The following PDE4D variants were observed in gnomAD, a reference collection of about 807,000 sequenced individuals.
PDE4D encodes phosphodiesterase 4D.
In PDE4D, 24 loss-of-function variants were observed where a neutral mutation model predicts 87.4. The observed-to-expected ratio is 0.27, with a 90% CI of 0.20 to 0.39. The LOEUF (loss-of-function observed/expected upper bound fraction) is 0.39. Among genes scored for constraint, PDE4D ranks in the 10% least tolerant of loss-of-function variants. The pLI is 1.00. For synonymous variants in PDE4D, 384 were observed against 383.2 expected, an observed-to-expected ratio of 1.00 and a Z score of -0.02; for missense variants, 714 against 1,041.0, an observed-to-expected ratio of 0.69 and a Z score of 4.32.
intron 1 of PDE4D, among the ~76,000 whole-genome samples, chr5:59,808,678 C>A (rs554210478): frequency 1.6e-4 from 24 of 152,228 alleles, no homozygotes; most frequent in African/African-American, 5.8e-4. Flanking sequence ...TCAAAGAACC[C>A]TTTTCCCCAG....
intron 1 of PDE4D, among the ~76,000 whole-genome samples, chr5:59,585,142 A>T (rs1824895029): frequency 6.6e-6 from 1 of 152,120 alleles, no homozygotes; most frequent in Non-Finnish European, 1.5e-5. Flanking sequence ...TCAGCAAAAA[A>T]GGTAGATACG....
At chr5:60,243,598 A>C (rs1370166855) in intron 1 of PDE4D, among the ~76,000 whole-genome samples, 1 of 152,066 alleles carries the variant, frequency 6.6e-6, no homozygotes, top group Non-Finnish European at 1.5e-5. Flanking sequence ...ACAACACATT[A>C]AAAATATAAT....
At chr5:60,228,800 A>G (rs1245015554) in intron 1 of PDE4D, among the ~76,000 whole-genome samples, 1 of 152,120 alleles carries the variant, frequency 6.6e-6, no homozygotes, top group Non-Finnish European at 1.5e-5. Flanking sequence ...AACTATACAG[A>G]GAGCGAGAAG....
At chr5:60,171,906 C>T (rs1014565304) in intron 2 of PDE4D, among the ~76,000 whole-genome samples, 1 of 151,656 alleles carries the variant, frequency 6.6e-6, no homozygotes, top group African/African-American at 2.4e-5. Context: ...ATTATTAAAA[C>T]CTACATAAAA....
At chr5:59,274,350 G>A (rs1051631913) in intron 1 of PDE4D, among the ~76,000 whole-genome samples, 5 of 152,104 alleles carry the variant, frequency 3.3e-5, no homozygotes, top group Non-Finnish European at 5.9e-5. Context: ...TAACAGCAAA[G>A]GCTAACCTAT....
intron 2 of PDE4D, among the ~76,000 whole-genome samples, chr5:59,989,102 A>G (rs1423140950): frequency 1.1e-5 from 1 of 94,904 alleles, no homozygotes; most frequent in African/African-American, 3.2e-5. Context: ...ATATATATAT[A>G]TATATATATA....
chr5:60,070,473 T>C (rs1315944634), intron 2 of PDE4D, among the ~76,000 whole-genome samples: 2 of 152,096 alleles, frequency 1.3e-5, no homozygotes, highest in African/African-American at 4.8e-5. Context: ...TTTTATGCTT[T>C]ATTTTGTTAA....
chr5:59,478,989 CCT>C (rs548931366), intron 1 of PDE4D, among the ~76,000 whole-genome samples: 127 of 152,136 alleles, frequency 8.3e-4, no homozygotes, highest in African/African-American at 2.9e-3. Flanking sequence ...CTCATAGTAA[CCT>C]CTGTTATTCA....
intron 6 of PDE4D, among the ~76,000 whole-genome samples, chr5:59,009,696 ATGG>A (rs1237692658): frequency 1.3e-5 from 2 of 152,122 alleles, no homozygotes; most frequent in African/African-American, 4.8e-5. Context: ...TATCTAGATT[ATGG>A]TGGTGGTTAT....
At chr5:60,040,769 G>A (rs956701090) in intron 2 of PDE4D, among the ~76,000 whole-genome samples, 21 of 151,942 alleles carry the variant, frequency 1.4e-4, no homozygotes, top group African/African-American at 4.3e-4. Context: ...TATTCTGTCC[G>A]ATAATTAAAA....
chr5:60,019,757 C>T (rs1466470973), intron 2 of PDE4D, among the ~76,000 whole-genome samples: 1 of 152,154 alleles, frequency 6.6e-6, no homozygotes, highest in African/African-American at 2.4e-5. Context: ...ACCTTCTGTC[C>T]AGACCACTAA....
intron 1 of PDE4D, among the ~76,000 whole-genome samples, chr5:59,588,458 G>C (rs983621117): frequency 2.6e-5 from 4 of 152,086 alleles, no homozygotes; most frequent in African/African-American, 9.7e-5. Flanking sequence ...ATTTAAAAAG[G>C]CTTTTACGCA....
intron 1 of PDE4D, among the ~76,000 whole-genome samples, chr5:59,496,376 T>C (rs1807191810): frequency 6.6e-6 from 1 of 152,062 alleles, no homozygotes. Flanking sequence ...AAATGCAACA[T>C]TTGGGCCCAA....
intron 1 of PDE4D, among the ~76,000 whole-genome samples, chr5:60,414,354 C>A (rs939729730): frequency 9.2e-5 from 14 of 152,018 alleles, no homozygotes; most frequent in African/African-American, 3.1e-4. Flanking sequence ...GGTCATAAAA[C>A]TCTATTAAGA....
At chr5:59,962,707 G>A (rs1254410406) in intron 3 of PDE4D, among the ~76,000 whole-genome samples, 1 of 152,074 alleles carries the variant, frequency 6.6e-6, no homozygotes, top group African/African-American at 2.4e-5. Flanking sequence ...GACAATCAAA[G>A]AATATTTAGC....
At chr5:59,310,031 C>T (rs1772255989) in intron 1 of PDE4D, among the ~76,000 whole-genome samples, 1 of 152,138 alleles carries the variant, frequency 6.6e-6, no homozygotes, top group African/African-American at 2.4e-5. Context: ...GTCACTCTTC[C>T]CTCTAGCAGA....
chr5:60,386,175 AT>A lies in PDE4D; in HGVS notation c.-90+101766del, dbSNP rs1391334388. ...CAGACCAAGGAAACTTTGGAAAAAA[AT>A]ATATAGTAATTTTCCCTTTAGTACG... is the stretch of plus-strand genomic sequence containing the variant. On this transcript the variant is annotated intron_variant, in intron 1 of 16. Transcript: ENST00000502484. Among the ~76,000 whole-genome samples, 3 of 152,348 alleles carry A rather than the reference AT, an allele frequency of 2.0e-5. No individual in the cohort carries two copies. In the Middle Eastern group the frequency reaches 0.01, roughly 518 times the overall value.
intron 1 of PDE4D, among the ~76,000 whole-genome samples, chr5:60,404,146 C>T (rs1741321588): frequency 1.3e-5 from 2 of 150,064 alleles, no homozygotes; most frequent in Admixed American, 1.3e-4. Flanking sequence ...ACCCAGCACC[C>T]CGAGTCAGCC....
chr5:59,759,716 G>A (rs569840625), intron 1 of PDE4D, among the ~76,000 whole-genome samples: 1 of 152,260 alleles, frequency 6.6e-6, no homozygotes, highest in East Asian at 1.9e-4. Flanking sequence ...ATGGCTGAAG[G>A]TTAGGGCTGA....
Sources: gnomAD v4.1 joint callset for allele counts (sites outside exome capture counted in the v4.1 genomes callset) on GRCh38, gnomAD v4.1.1 for gene constraint, MANE v1.5 for transcripts, NCBI Gene and HGNC (gene_info 2026-07-23, HGNC 2026-07-21) for gene names.